The following ARHGAP17 variants were observed in gnomAD, a reference collection of about 807,000 sequenced individuals.
The protein encoded by ARHGAP17 is rho GTPase-activating protein 17.
A neutral mutation model predicts 99.5 loss-of-function variants in ARHGAP17; 57 were observed. The observed-to-expected ratio is 0.57, with a 90% confidence interval of 0.46 to 0.71. The LOEUF (loss-of-function observed/expected upper bound fraction) is 0.71, where lower values mean the gene tolerates loss of function less well. Among genes scored for constraint, ARHGAP17 ranks in the 30% least tolerant of loss-of-function variants. The pLI is 0.00. For synonymous variants in ARHGAP17, 417 were observed against 429.6 expected (o/e 0.97, Z 0.36); for missense variants, 1,000 against 1,122.4 (o/e 0.89, Z 1.56).
chr16:25,004,503 T>C (rs759315971), intron 1 of ARHGAP17, among the ~76,000 whole-genome samples: 2 of 152,244 alleles, frequency 1.3e-5, no homozygotes, highest in Non-Finnish European at 2.9e-5. Context: ...CCACGTGATA[T>C]CCAAGCTGCT....
chr16:24,950,151 T>C (rs1297945484), intron 12 of ARHGAP17, among the ~76,000 whole-genome samples: 4 of 152,162 alleles, frequency 2.6e-5, no homozygotes, highest in Admixed American at 2.6e-4. Flanking sequence ...AGAACCATTC[T>C]GGAGAACATG....
intron 19 of ARHGAP17, among the ~76,000 whole-genome samples, chr16:24,924,348 G>A (rs1028369608): frequency 2.0e-5 from 3 of 151,484 alleles, no homozygotes; most frequent in Admixed American, 2.0e-4. Context: ...ATACTGCTTG[G>A]AGCTAAGTTT....
At chr16:24,998,873 A>G (rs1227909122) in intron 1 of ARHGAP17, among the ~76,000 whole-genome samples, 1 of 152,222 alleles carries the variant, frequency 6.6e-6, no homozygotes, top group Non-Finnish European at 1.5e-5. Context: ...CAGAGAAGAA[A>G]GGGGACCAAG....
intron 11 of ARHGAP17, 36 bp from the exon 12 acceptor site, chr16:24,952,406 G>C: frequency 6.5e-7 from 1 of 1,526,860 alleles, no homozygotes; most frequent in Admixed American, 1.7e-5. Flanking sequence ...GTATGAAAAA[G>C]GGGTAAGGCT....
In ARHGAP17 at chr16:24,926,134, AAAGAGAAGAG is replaced by A. The variant is rs745544954; in HGVS notation, c.2515+4640_2515+4649del. 2.1e-3 allele frequency among the ~76,000 whole-genome samples: 323 copies of A among 151,124 alleles called. 1 individual carries two copies. The highest frequency in any genetic ancestry group is 3.9e-3 in the Non-Finnish European group (263 of 67,852). On this transcript the variant is annotated intron_variant, in intron 19 of 19. Coordinates refer to ENST00000289968, the MANE Select transcript of ARHGAP17 (RefSeq NM_001006634.3). Reference sequence around the variant, plus strand: ...GAAAAAAAAAAAAGAAAAGAAAAGAAAAGAGAAGAGAAGAGAAGAGAAGAGGAGAAAAGAA... The same window carrying A: ...GAAAAAAAAAAAAGAAAAGAAAAGAAAAGAGAAGAGAAGAGGAGAAAAGAA...
At position 24,950,836 on chromosome 16, in the gene ARHGAP17, C is replaced by CAAAAAAAAAAAAAAAAAAAAAAAA. The variant is rs1177614713; in HGVS notation, c.1047-1353_1047-1352insTTTTTTTTTTTTTTTTTTTTTTTT. On this transcript the variant is annotated intron_variant, in intron 12 of 19. Coordinates refer to ENST00000289968, the MANE Select transcript of ARHGAP17 (RefSeq NM_001006634.3). Reference sequence around the variant, plus strand: ...TGGGCGACAGAGTGGGACTCCAACTCAAAAAAAAAAAAAAAAAAAAAAGAA... The same window carrying CAAAAAAAAAAAAAAAAAAAAAAAA: ...TGGGCGACAGAGTGGGACTCCAACTCAAAAAAAAAAAAAAAAAAAAAAAAAAAAAAAAAAAAAAAAAAAAAAGAA... Among the ~76,000 whole-genome samples the CAAAAAAAAAAAAAAAAAAAAAAAA allele has an allele frequency of 6.1e-4, 24 of 39,424 alleles. 1 individual carries two copies. The highest frequency in any genetic ancestry group is 2.1e-3 in the African/African-American group (20 of 9,530). 25.9% of individuals were successfully genotyped at this position (39,424 alleles called of 152,430 possible).
intron 1 of ARHGAP17, among the ~76,000 whole-genome samples, chr16:24,980,195 C>G (rs561244993): frequency 1.3e-5 from 2 of 152,242 alleles, no homozygotes; most frequent in East Asian, 3.9e-4. Flanking sequence ...AGAATGACCT[C>G]GAAATGCTGC....
chr16:24,988,991 T>C (rs561918074), intron 1 of ARHGAP17, among the ~76,000 whole-genome samples: 4 of 152,310 alleles, frequency 2.6e-5, no homozygotes, highest in South Asian at 2.1e-4. Flanking sequence ...TTGCAAAATA[T>C]TGCAATGCAG....
intron 1 of ARHGAP17, among the ~76,000 whole-genome samples, chr16:25,002,581 T>C (rs902785139): frequency 5.3e-5 from 8 of 152,190 alleles, no homozygotes; most frequent in African/African-American, 1.9e-4. Context: ...TTTCTAACGA[T>C]GGACTTCCAC....
chr16:24,934,508 C>T (rs1376171570), intron 18 of ARHGAP17, among the ~76,000 whole-genome samples: 1 of 151,730 alleles, frequency 6.6e-6, no homozygotes, highest in Middle Eastern at 3.4e-3. Flanking sequence ...GGCTGGAGTG[C>T]GGTGGTGCAA....
chr16:24,994,163 G>C (rs541290588), intron 1 of ARHGAP17, among the ~76,000 whole-genome samples: 367 of 152,296 alleles, frequency 2.4e-3, no homozygotes, highest in Non-Finnish European at 4.0e-3. Context: ...GTTTTTGAGG[G>C]ATGATGGTAG....
intron 7 of ARHGAP17, among the ~76,000 whole-genome samples, chr16:24,962,487 T>C (rs746622260): frequency 6.6e-6 from 1 of 152,192 alleles, no homozygotes; most frequent in Non-Finnish European, 1.5e-5. Flanking sequence ...TAGGCCTGCT[T>C]TCAGGAGGGT....
chr16:24,970,729 G>T, intron 3 of ARHGAP17, 149 bp from the exon 4 acceptor site: 1 of 691,132 alleles, frequency 1.4e-6, no homozygotes, highest in Non-Finnish European at 2.5e-6. Context: ...TGGTCTCACA[G>T]ATATTAGTTG....
At position 24,965,380 on chromosome 16, in the gene ARHGAP17, G is replaced by T. The variant is rs1267433509; in HGVS notation, c.462-1072C>A. On this transcript the variant is annotated intron_variant, in intron 6 of 19. Coordinates refer to ENST00000289968, the MANE Select transcript of ARHGAP17 (RefSeq NM_001006634.3). ...AGCAACTTGGGAGGCTGAGGCAGGA[G>T]AATGGCGTGAACCTGGGAGGCAGAG... 2.4e-4 allele frequency among the ~76,000 whole-genome samples: 37 copies of T among 152,208 alleles called. 2 individuals are homozygous for T. The highest frequency in any genetic ancestry group is 2.4e-3 in the Admixed American group (37 of 15,282).
At chr16:24,937,487 T>A (rs778909611) in intron 17 of ARHGAP17, among the ~76,000 whole-genome samples, 25 of 152,012 alleles carry the variant, frequency 1.6e-4, no homozygotes, top group Non-Finnish European at 3.1e-4. Flanking sequence ...AGAAAATAAG[T>A]GAATTTGCTT....
At chr16:24,948,086 A>G (rs577034567) in intron 13 of ARHGAP17, among the ~76,000 whole-genome samples, 1 of 152,336 alleles carries the variant, frequency 6.6e-6, no homozygotes, top group Non-Finnish European at 1.5e-5. Context: ...CAACCTATCA[A>G]TAGGGAGCTG....
intron 4 of ARHGAP17, among the ~76,000 whole-genome samples, chr16:24,969,362 GTTTT>G (rs1301044334): frequency 6.6e-6 from 1 of 152,010 alleles, no homozygotes; most frequent in Non-Finnish European, 1.5e-5. Context: ...TCTCTATGGG[GTTTT>G]TTTGACACCA....
At chr16:24,987,230 T>C (rs1240186785) in intron 1 of ARHGAP17, among the ~76,000 whole-genome samples, 3 of 152,140 alleles carry the variant, frequency 2.0e-5, no homozygotes, top group Non-Finnish European at 4.4e-5. Flanking sequence ...CAATAAACCT[T>C]TATTTATGGA....
At chr16:25,006,568 G>A (rs1237538268) in intron 1 of ARHGAP17, among the ~76,000 whole-genome samples, 1 of 152,196 alleles carries the variant, frequency 6.6e-6, no homozygotes, top group Non-Finnish European at 1.5e-5. Flanking sequence ...GGGTGTGAGG[G>A]CATTTAATGC....
Sources: gnomAD v4.1 joint callset for allele counts (sites outside exome capture counted in the v4.1 genomes callset) on GRCh38, gnomAD v4.1.1 for gene constraint, MANE v1.5 for transcripts, NCBI Gene and HGNC (gene_info 2026-07-23, HGNC 2026-07-21) for gene names.